Variants in KCNMB2 observed in about 807,000 individuals in gnomAD.
KCNMB2 encodes the protein calcium-activated potassium channel subunit beta-2.
A neutral mutation model predicts 24.5 loss-of-function variants in KCNMB2; 9 were observed. That is an observed-to-expected ratio of 0.37 (90% CI 0.22 to 0.64). KCNMB2 has a LOEUF of 0.64. KCNMB2 is among the 30% of genes least tolerant of loss of function. KCNMB2 has a pLI of 0.63. For synonymous variants in KCNMB2, 109 were observed against 104.4 expected (o/e 1.04, Z -0.27); for missense variants, 226 against 284.3 (o/e 0.79, Z 1.47).
intron 1 of KCNMB2, among the ~76,000 whole-genome samples, chr3:178,636,389 A>G (rs1344203002): frequency 6.6e-6 from 1 of 152,188 alleles, no homozygotes; most frequent in Non-Finnish European, 1.5e-5. Context: ...GTACCCCAAT[A>G]ACTTACGAAA....
At chr3:178,753,934 T>C (rs985621940) in intron 1 of KCNMB2, among the ~76,000 whole-genome samples, 18 of 151,192 alleles carry the variant, frequency 1.2e-4, no homozygotes, top group African/African-American at 4.4e-4. Flanking sequence ...TTGACAAACA[T>C]TTCTCCATTC....
intron 1 of KCNMB2, among the ~76,000 whole-genome samples, chr3:178,584,415 T>A (rs568622525): frequency 5.3e-5 from 8 of 152,214 alleles, no homozygotes; most frequent in African/African-American, 1.9e-4. Flanking sequence ...CTCCCGCAGG[T>A]GCTGTCTCCC....
At chr3:178,697,362 C>T (rs914164811) in intron 1 of KCNMB2, among the ~76,000 whole-genome samples, 8 of 152,070 alleles carry the variant, frequency 5.3e-5, no homozygotes, top group African/African-American at 1.9e-4. Flanking sequence ...ATGTAATGCC[C>T]TTTTTGGTCT....
intron 1 of KCNMB2, among the ~76,000 whole-genome samples, chr3:178,721,068 G>T (rs1722788200): frequency 6.6e-6 from 1 of 152,092 alleles, no homozygotes. Context: ...GTCCTGAATG[G>T]TAATGCCTAG....
At chr3:178,649,124 C>G (rs1048984623) in intron 1 of KCNMB2, among the ~76,000 whole-genome samples, 12 of 152,236 alleles carry the variant, frequency 7.9e-5, no homozygotes, top group African/African-American at 2.6e-4. Context: ...ATCTGCTTTA[C>G]ATTTTGTAAG....
At chr3:178,568,811 ATAGATAATAG>A (rs1716638405) in intron 1 of KCNMB2, among the ~76,000 whole-genome samples, 2 of 48,688 alleles carry the variant, frequency 4.1e-5, no homozygotes, top group African/African-American at 2.0e-4. Flanking sequence ...AGATAGATAG[ATAGATAATAG>A]ATAGATAGAT....
At chr3:178,718,175 G>T (rs1157437443) in intron 1 of KCNMB2, among the ~76,000 whole-genome samples, 1 of 152,208 alleles carries the variant, frequency 6.6e-6, no homozygotes, top group African/African-American at 2.4e-5. Flanking sequence ...TTCTGTGATA[G>T]AAGTAGATCA....
intron 1 of KCNMB2, among the ~76,000 whole-genome samples, chr3:178,630,169 G>A (rs1719264603): frequency 6.6e-6 from 1 of 152,056 alleles, no homozygotes; most frequent in African/African-American, 2.4e-5. Flanking sequence ...TGCTACAGTT[G>A]AGCCATTTCT....
chr3:178,679,882 G>A (rs1186224120), intron 1 of KCNMB2, among the ~76,000 whole-genome samples: 1 of 152,014 alleles, frequency 6.6e-6, no homozygotes, highest in African/African-American at 2.4e-5. Flanking sequence ...TTTCCAACAA[G>A]GATTTGAAAG....
intron 1 of KCNMB2, among the ~76,000 whole-genome samples, chr3:178,787,479 T>C (rs967284183): frequency 2.9e-4 from 44 of 152,210 alleles, no homozygotes; most frequent in African/African-American, 1.0e-3. Flanking sequence ...AGGTATATAC[T>C]GTTATTATCA....
chr3:178,698,406 T>G (rs147812552), intron 1 of KCNMB2, among the ~76,000 whole-genome samples: 51 of 152,360 alleles, frequency 3.3e-4, no homozygotes, highest in African/African-American at 1.1e-3. Flanking sequence ...CCACTTGGTC[T>G]ATTCTGCTAT....
intron 1 of KCNMB2, among the ~76,000 whole-genome samples, chr3:178,770,552 A>G (rs1452638346): frequency 6.6e-6 from 1 of 152,192 alleles, no homozygotes; most frequent in Non-Finnish European, 1.5e-5. Context: ...ATAAATTTTT[A>G]GGGAAATTCT....
intron 1 of KCNMB2, among the ~76,000 whole-genome samples, chr3:178,628,699 T>C (rs1227892916): frequency 6.6e-6 from 1 of 152,144 alleles, no homozygotes; most frequent in African/African-American, 2.4e-5. Context: ...GGGCACTTTC[T>C]GGTGTTTATA....
At chr3:178,637,991 T>C (rs1293939974) in intron 1 of KCNMB2, among the ~76,000 whole-genome samples, 1 of 152,162 alleles carries the variant, frequency 6.6e-6, no homozygotes, top group Non-Finnish European at 1.5e-5. Context: ...TAAACTCCTT[T>C]CTGTTCCTGG....
chr3:178,622,478 G>T, intron 1 of KCNMB2, among the ~76,000 whole-genome samples: 1 of 152,174 alleles, frequency 6.6e-6, no homozygotes. Context: ...GTCTCAGAAA[G>T]TTGTTTGCTC....
chr3:178,673,057 A>G (rs1462158818), intron 1 of KCNMB2, among the ~76,000 whole-genome samples: 2 of 151,834 alleles, frequency 1.3e-5, no homozygotes, highest in African/African-American at 4.8e-5. Flanking sequence ...TTGCCTCCTT[A>G]TTTTTCCTTC....
At chr3:178,627,595 T>C (rs180708270) in intron 1 of KCNMB2, among the ~76,000 whole-genome samples, 64 of 152,348 alleles carry the variant, frequency 4.2e-4, no homozygotes, top group African/African-American at 1.5e-3. Flanking sequence ...AGACACCTTC[T>C]CAACTTTGTC....
At chr3:178,742,991 G>A (rs990218311) in intron 1 of KCNMB2, among the ~76,000 whole-genome samples, 5 of 152,118 alleles carry the variant, frequency 3.3e-5, no homozygotes, top group Admixed American at 2.0e-4. Flanking sequence ...TGAGTCTGTG[G>A]CTGTTACAAG....
At chr3:178,602,634 A>G (rs1197926854) in intron 1 of KCNMB2, among the ~76,000 whole-genome samples, 1 of 152,012 alleles carries the variant, frequency 6.6e-6, no homozygotes, top group Non-Finnish European at 1.5e-5. Context: ...GCCAGGTGGA[A>G]AGGAAGAATG....
Sources: allele counts gnomAD v4.1 joint callset (sites outside exome capture counted in the v4.1 genomes callset), GRCh38; gene constraint gnomAD v4.1.1; transcripts MANE v1.5; gene names NCBI Gene and HGNC (gene_info 2026-07-23, HGNC 2026-07-21).